The following PPARD variants were observed in gnomAD, a reference collection of about 807,000 sequenced individuals.
PPARD encodes peroxisome proliferator activated receptor delta.
Under a neutral mutation model 39.5 loss-of-function variants are expected in PPARD, and 6 were observed. The observed-to-expected ratio is 0.15, with a 90% confidence interval of 0.08 to 0.30. The LOEUF (loss-of-function observed/expected upper bound fraction) is 0.30, where lower values mean the gene tolerates loss of function less well. PPARD is among the 10% of genes least tolerant of loss of function. The probability of loss-of-function intolerance (pLI) is 1.00; values close to 1 mark genes in which losing one functional copy is unlikely to be tolerated. For synonymous variants in PPARD, 210 were observed against 231.3 expected, an observed-to-expected ratio of 0.91 and a Z score of 0.83; for missense variants, 397 against 596.8, an observed-to-expected ratio of 0.67 and a Z score of 3.49.
In PPARD at chr6:35,421,829, C is replaced by T. The variant is rs1013372900; in HGVS notation, c.295C>T (p.Arg99Cys). The change falls in exon 5 of 8, where the codon CGT becomes TGT. Residue 99 changes from arginine (R) to cysteine (C), a missense_variant. By Grantham distance (180) the Arg-to-Cys change is radical. Coordinates refer to ENST00000360694, the MANE Select transcript of PPARD (RefSeq NM_006238.5). ...HACEGCKGFF[R>C]RTIRMKLEYE... ...GTTCTTGGTGCTTCAGGGCTTCTTC[C>T]GTCGTACGATCCGCATGAAGCTGGA... 3.7e-6 allele frequency: 6 copies of T among 1,611,126 alleles called. No individual in the cohort carries two copies. The highest frequency in any genetic ancestry group is 2.2e-5 in the East Asian group (1 of 44,826).
chr6:35,385,646 TAAAAAAAAAAA>T (rs66948740), intron 2 of PPARD, among the ~76,000 whole-genome samples: 2 of 96,560 alleles, frequency 2.1e-5, no homozygotes, highest in African/African-American at 1.4e-4. Context: ...TAAATAAATT[TAAAAAAAAAAA>T]AAAAAAAAAA....
At chr6:35,423,878 G>A in intron 5 of PPARD, 68 bp from the exon 6 acceptor site, 4 of 1,519,134 alleles carry the variant, frequency 2.6e-6, no homozygotes, top group Non-Finnish European at 2.7e-6. Flanking sequence ...CACCTGTAAA[G>A]GGATGGGGAT....
At chr6:35,352,708 C>T (rs189623771) in intron 2 of PPARD, among the ~76,000 whole-genome samples, 10 of 152,240 alleles carry the variant, frequency 6.6e-5, no homozygotes, top group East Asian at 1.9e-4. Context: ...TGGGTGTCCA[C>T]GCTGGCTTAG....
At chr6:35,350,860 C>T (rs1054720244) in intron 2 of PPARD, among the ~76,000 whole-genome samples, 2 of 152,044 alleles carry the variant, frequency 1.3e-5, no homozygotes, top group African/African-American at 4.8e-5. Context: ...CTCCTGACCT[C>T]AGGTGATCTG....
At chr6:35,374,491 A>G (rs1049602421) in intron 2 of PPARD, among the ~76,000 whole-genome samples, 9 of 151,800 alleles carry the variant, frequency 5.9e-5, no homozygotes, top group Admixed American at 3.9e-4. Context: ...CCCCATCTCT[A>G]CTAAAAAATA....
chr6:35,386,315 ATTT>A (rs751089075), intron 2 of PPARD, among the ~76,000 whole-genome samples: 1 of 120,414 alleles, frequency 8.3e-6, no homozygotes, highest in East Asian at 2.6e-4. Flanking sequence ...CACCTCTACA[ATTT>A]TTTTTTTTTT....
intron 2 of PPARD, among the ~76,000 whole-genome samples, chr6:35,396,426 G>A (rs1298570459): frequency 5.4e-5 from 8 of 147,492 alleles, no homozygotes; most frequent in African/African-American, 1.3e-4. Flanking sequence ...GGATGGTCTC[G>A]ATCTCCTGAC....
intron 2 of PPARD, among the ~76,000 whole-genome samples, chr6:35,383,232 G>C (rs578160906): frequency 6.6e-6 from 1 of 152,196 alleles, no homozygotes; most frequent in Non-Finnish European, 1.5e-5. Context: ...CATTGACTTG[G>C]GTGGGAAGCA....
intron 2 of PPARD, among the ~76,000 whole-genome samples, chr6:35,374,521 G>A (rs1044699060): frequency 3.9e-5 from 6 of 151,978 alleles, no homozygotes; most frequent in Non-Finnish European, 4.4e-5. Flanking sequence ...AGCCGGGCAT[G>A]GTGGCAGGCA....
chr6:35,361,778 G>C (rs1489898774), intron 2 of PPARD, among the ~76,000 whole-genome samples: 1 of 152,198 alleles, frequency 6.6e-6, no homozygotes, highest in Non-Finnish European at 1.5e-5. Flanking sequence ...CTGGCTTTTG[G>C]ATATGAGCTC....
At chr6:35,398,742 C>T (rs1050946994) in intron 2 of PPARD, among the ~76,000 whole-genome samples, 9 of 152,108 alleles carry the variant, frequency 5.9e-5, no homozygotes, top group East Asian at 1.9e-4. Context: ...GAGGAGGGAT[C>T]GAGCAGTCAT....
chr6:35,377,871 C>CTTTTTTTTTTTTTTTTTTTTTTTCT (rs540687692), intron 2 of PPARD, among the ~76,000 whole-genome samples: 1 of 120,342 alleles, frequency 8.3e-6, no homozygotes, highest in African/African-American at 4.4e-5. Flanking sequence ...GTTTACGTAT[C>CTTTTTTTTTTTTTTTTTTTTTTTCT]TTTTTTTTTT....
At chr6:35,383,491 A>G (rs1581588883) in intron 2 of PPARD, among the ~76,000 whole-genome samples, 1 of 128,072 alleles carries the variant, frequency 7.8e-6, no homozygotes. Context: ...TTGGCCACCC[A>G]TCGTCTGGGA....
In PPARD at chr6:35,412,422, C is replaced by A. The variant is rs1765489425; in HGVS notation, c.130+1205C>A. Among the ~76,000 whole-genome samples, 1 of 152,214 alleles carries A rather than the reference C, an allele frequency of 6.6e-6. No homozygotes were observed. The highest frequency in any genetic ancestry group is 1.5e-5 in the Non-Finnish European group (1 of 68,038). ...GAGATCCTAGCCACAGGCGGTGACT[C>A]AGGCAGAGGAGCAAGCCCACCCCGC... On this transcript the variant is annotated intron_variant, in intron 3 of 7. Transcript: ENST00000360694. The surrounding 1 kb of genome is among the most constrained non-coding windows in gnomAD (Gnocchi z 4.1).
At chr6:35,383,996 T>G (rs1581590744) in intron 2 of PPARD, among the ~76,000 whole-genome samples, 2 of 120,982 alleles carry the variant, frequency 1.7e-5, no homozygotes, top group African/African-American at 7.7e-5. Flanking sequence ...GGTGGGGGGG[T>G]CAGCCCCACG....
chr6:35,412,124 T>A lies in PPARD; in HGVS notation c.130+907T>A, dbSNP rs1161345672. On this transcript the variant is annotated intron_variant, in intron 3 of 7. Transcript: ENST00000360694. This position sits in a 1 kb window ranked among gnomAD's most constrained non-coding sequence, Gnocchi z 4.1. ...TTGTATTTTTTTAGTAAAGATGGGG[T>A]TTCACCATGTTGGCCAGGCTGGTCT... Among the ~76,000 whole-genome samples, 1 of 151,840 alleles carries A rather than the reference T, an allele frequency of 6.6e-6. No homozygotes were observed. The highest frequency in any genetic ancestry group is 2.4e-5 in the African/African-American group (1 of 41,304).
intron 2 of PPARD, among the ~76,000 whole-genome samples, chr6:35,394,296 G>A (rs989364009): frequency 6.6e-6 from 1 of 152,246 alleles, no homozygotes; most frequent in African/African-American, 2.4e-5. Flanking sequence ...CACCATGTCT[G>A]TGCCACCTGC....
intron 3 of PPARD, among the ~76,000 whole-genome samples, chr6:35,417,544 G>A (rs542437505): frequency 1.1e-4 from 17 of 152,142 alleles, no homozygotes; most frequent in South Asian, 2.1e-4. Context: ...AAAGTACTGC[G>A]ATTACTGGCG....
intron 2 of PPARD, among the ~76,000 whole-genome samples, chr6:35,355,921 A>G (rs1273330491): frequency 2.6e-5 from 4 of 151,548 alleles, no homozygotes; most frequent in Non-Finnish European, 5.9e-5. Flanking sequence ...TCTTTCTTAT[A>G]TAATTTTTTT....
Sources: allele counts gnomAD v4.1 joint callset (sites outside exome capture counted in the v4.1 genomes callset), GRCh38; gene constraint gnomAD v4.1.1; non-coding constraint Gnocchi (gnomAD v3.1); transcripts MANE v1.5; gene names NCBI Gene and HGNC (gene_info 2026-07-23, HGNC 2026-07-21).